GABRA2: variants seen among roughly 807,000 people sequenced by gnomAD.
GABRA2 encodes gamma-aminobutyric acid receptor subunit alpha-2.
In GABRA2, 16 loss-of-function variants were observed where a neutral mutation model predicts 48.7. The ratio of observed to expected loss-of-function variants is 0.33; its 90% confidence interval spans 0.22 to 0.50. The LOEUF (loss-of-function observed/expected upper bound fraction) is 0.50. Ranked by LOEUF, GABRA2 falls within the 20% of genes least tolerant of loss-of-function variation. The pLI, the probability that GABRA2 is intolerant of heterozygous loss-of-function variation, is 0.98. For synonymous variants in GABRA2, 185 were observed against 184.5 expected (o/e 1.00, Z -0.02); for missense variants, 275 against 535.6 (o/e 0.51, Z 4.80).
chr4:46,345,671 C>T (rs1560557402), intron 3 of GABRA2, among the ~76,000 whole-genome samples: 1 of 151,874 alleles, frequency 6.6e-6, no homozygotes. Flanking sequence ...TCCTAACTGG[C>T]TCACTTTGCC....
At chr4:46,308,513 C>A (rs1464102374) in intron 6 of GABRA2, among the ~76,000 whole-genome samples, 1 of 152,154 alleles carries the variant, frequency 6.6e-6, no homozygotes, top group African/African-American at 2.4e-5. Context: ...TTACTCCACA[C>A]TGGTGTCCAT....
At chr4:46,377,731 G>T (rs1302823822) in intron 3 of GABRA2, among the ~76,000 whole-genome samples, 1 of 75,028 alleles carries the variant, frequency 1.3e-5, no homozygotes, top group South Asian at 3.0e-4. Context: ...GAGGGAGGTG[G>T]GGGGGGTCAG....
intron 8 of GABRA2, among the ~76,000 whole-genome samples, chr4:46,276,138 A>G (rs572611490): frequency 2.9e-4 from 44 of 152,302 alleles, no homozygotes; most frequent in Admixed American, 1.3e-3. Context: ...ATTCTCTTGA[A>G]ACACTTGAAA....
intron 3 of GABRA2, among the ~76,000 whole-genome samples, chr4:46,379,599 ATCT>A (rs971636282): frequency 7.2e-5 from 11 of 152,128 alleles, no homozygotes; most frequent in East Asian, 5.8e-4. Flanking sequence ...GGGCTCTGAA[ATCT>A]TCTTATGCGG....
chr4:46,259,375 G>A (rs1282845067), intron 9 of GABRA2, among the ~76,000 whole-genome samples: 2 of 151,778 alleles, frequency 1.3e-5, no homozygotes, highest in African/African-American at 2.4e-5. Flanking sequence ...CACAACTGAG[G>A]CTAAAAGTAG....
chr4:46,349,110 C>T (rs1257513312), intron 3 of GABRA2, among the ~76,000 whole-genome samples: 1 of 151,844 alleles, frequency 6.6e-6, no homozygotes, highest in African/African-American at 2.4e-5. Context: ...AGTTAATGTA[C>T]ATTTTTGAGA....
At chr4:46,353,404 A>G (rs1004431614) in intron 3 of GABRA2, among the ~76,000 whole-genome samples, 4 of 152,126 alleles carry the variant, frequency 2.6e-5, no homozygotes, top group Non-Finnish European at 5.9e-5. Context: ...GTCTGATAAG[A>G]TATAAGAAAA....
At chr4:46,273,840 C>T (rs1341537680) in intron 8 of GABRA2, among the ~76,000 whole-genome samples, 4 of 151,846 alleles carry the variant, frequency 2.6e-5, no homozygotes, top group East Asian at 1.9e-4. Context: ...TTCCAGCAAA[C>T]GGAAAGTGGA....
rs376080664 is a variant in GABRA2, at chr4:46,259,427, C to T, written c.1059+2499G>A. On this transcript the variant is annotated intron_variant, in intron 9 of 9. Coordinates refer to ENST00000381620, the MANE Select transcript of GABRA2 (RefSeq NM_000807.4). ...AGCTCACAGAGCAAGGTAGCTCTGC[C>T]TTTTAATATAGGGCTCAAATGTAGC... Among the ~76,000 whole-genome samples the T allele has an allele frequency of 1.1e-4, 17 of 151,872 alleles. No homozygotes were observed. In the South Asian group the frequency reaches 1.2e-3, roughly 11 times the overall value.
intron 3 of GABRA2, among the ~76,000 whole-genome samples, chr4:46,381,514 T>A (rs367845298): frequency 6.6e-6 from 1 of 152,216 alleles, no homozygotes; most frequent in African/African-American, 2.4e-5. Context: ...TTGACATGTT[T>A]TTCAAAGAAT....
chr4:46,325,602 TG>T (rs1233670517), intron 4 of GABRA2, among the ~76,000 whole-genome samples: 2 of 152,062 alleles, frequency 1.3e-5, no homozygotes, highest in African/African-American at 2.4e-5. Flanking sequence ...CGTCTATTTT[TG>T]TTTTTGTTAT....
intron 3 of GABRA2, among the ~76,000 whole-genome samples, chr4:46,337,883 T>G (rs2109838788): frequency 6.6e-6 from 1 of 152,052 alleles, no homozygotes; most frequent in South Asian, 2.1e-4. Context: ...AAATATTCTT[T>G]TTAAAAGCTT....
intron 7 of GABRA2, among the ~76,000 whole-genome samples, chr4:46,304,068 G>T: frequency 6.6e-6 from 1 of 151,944 alleles, no homozygotes; most frequent in South Asian, 2.1e-4. Context: ...TTTCAAATTA[G>T]AGATGTTCAA....
intron 8 of GABRA2, among the ~76,000 whole-genome samples, chr4:46,275,757 G>T (rs557230353): frequency 4.6e-5 from 7 of 152,112 alleles, no homozygotes; most frequent in African/African-American, 1.7e-4. Flanking sequence ...ATTTCTTATA[G>T]CTCCTTGAGG....
At chr4:46,293,134 A>T (rs1292660038) in intron 8 of GABRA2, among the ~76,000 whole-genome samples, 1 of 152,186 alleles carries the variant, frequency 6.6e-6, no homozygotes, top group Non-Finnish European at 1.5e-5. Flanking sequence ...ATTTATAGAA[A>T]GCCTACTGCA....
chr4:46,323,631 T>C (rs1174187323), intron 4 of GABRA2, among the ~76,000 whole-genome samples: 1 of 151,780 alleles, frequency 6.6e-6, no homozygotes, highest in Non-Finnish European at 1.5e-5. Context: ...GGAAATCTCG[T>C]TGAAATGTAC....
At chr4:46,255,888 A>C (rs1369146242) in intron 9 of GABRA2, among the ~76,000 whole-genome samples, 1 of 151,610 alleles carries the variant, frequency 6.6e-6, no homozygotes, top group Non-Finnish European at 1.5e-5. Flanking sequence ...CCTATGAGTA[A>C]AGTGACCTGG....
intron 3 of GABRA2, among the ~76,000 whole-genome samples, chr4:46,354,712 C>G (rs543274701): frequency 6.6e-6 from 1 of 152,200 alleles, no homozygotes; most frequent in Admixed American, 6.5e-5. Flanking sequence ...ATCAGCTGAC[C>G]CTCAGCTACT....
At chr4:46,291,175 A>G (rs993302506) in intron 8 of GABRA2, among the ~76,000 whole-genome samples, 2 of 152,122 alleles carry the variant, frequency 1.3e-5, no homozygotes, top group Non-Finnish European at 2.9e-5. Flanking sequence ...TTCTAAAAAT[A>G]TTTGGTAGAA....
Sources: gnomAD v4.1 joint callset for allele counts (sites outside exome capture counted in the v4.1 genomes callset) on GRCh38, gnomAD v4.1.1 for gene constraint, MANE v1.5 for transcripts, NCBI Gene and HGNC (gene_info 2026-07-23, HGNC 2026-07-21) for gene names.